Variants in RALGAPA1 observed in about 807,000 individuals in gnomAD.
The protein encoded by RALGAPA1 is ral GTPase-activating protein subunit alpha-1.
RALGAPA1 carries 52 observed loss-of-function variants against 269.6 expected under a neutral mutation model. The observed-to-expected ratio is 0.19, with a 90% CI of 0.15 to 0.24. RALGAPA1 has a LOEUF of 0.24. RALGAPA1 is among the 10% of genes least tolerant of loss of function. The pLI is 1.00. For synonymous variants in RALGAPA1, 817 were observed against 1,008.3 expected, an observed-to-expected ratio of 0.81 and a Z score of 3.60; for missense variants, 1,917 against 3,013.9, an observed-to-expected ratio of 0.64 and a Z score of 8.52.
chr14:35,785,710 T>C (rs912169084), intron 1 of RALGAPA1, among the ~76,000 whole-genome samples: 2 of 152,172 alleles, frequency 1.3e-5, no homozygotes, highest in African/African-American at 4.8e-5. Context: ...ACACCCCATT[T>C]CATAAGACAA....
intron 16 of RALGAPA1, among the ~76,000 whole-genome samples, chr14:35,708,060 T>C (rs2067962212): frequency 1.3e-5 from 2 of 152,094 alleles, no homozygotes; most frequent in Admixed American, 6.5e-5. Context: ...TGGATACCCA[T>C]ATGCAGAAGA....
chr14:35,717,109 C>T (rs879670456), intron 16 of RALGAPA1, among the ~76,000 whole-genome samples: 1 of 152,204 alleles, frequency 6.6e-6, no homozygotes, highest in Non-Finnish European at 1.5e-5. Context: ...TATAGATATA[C>T]TTGCATATAT....
intron 16 of RALGAPA1, among the ~76,000 whole-genome samples, chr14:35,702,526 C>T (rs537693124): frequency 2.0e-5 from 3 of 152,158 alleles, no homozygotes; most frequent in Admixed American, 1.3e-4. Context: ...CCAGTTTTCC[C>T]GCTAGCTTCT....
intron 39 of RALGAPA1, 50 bp from the exon 40 acceptor site, chr14:35,549,284 A>T: frequency 6.4e-7 from 1 of 1,572,422 alleles, no homozygotes; most frequent in Non-Finnish European, 8.6e-7. Context: ...ATACTGGAAA[A>T]AAAATCTTAT....
chr14:35,741,762 G>A (rs1281352285), intron 11 of RALGAPA1, among the ~76,000 whole-genome samples: 2 of 152,182 alleles, frequency 1.3e-5, no homozygotes, highest in Non-Finnish European at 2.9e-5. Flanking sequence ...GACAAAGGTT[G>A]AACAATCAAA....
chr14:35,769,035 AATATATATAT>A (rs200538547), intron 4 of RALGAPA1, among the ~76,000 whole-genome samples: 646 of 58,280 alleles, frequency 0.011, 11 homozygotes, highest in East Asian at 0.019. Flanking sequence ...AAAAAAAAAA[AATATATATAT>A]ATATATATAT....
intron 41 of RALGAPA1, among the ~76,000 whole-genome samples, chr14:35,544,245 A>C (rs1377526061): frequency 6.6e-6 from 1 of 152,190 alleles, no homozygotes; most frequent in Non-Finnish European, 1.5e-5. Context: ...GGAAAGTAAA[A>C]CCCTTAAAAT....
intron 31 of RALGAPA1, among the ~76,000 whole-genome samples, chr14:35,651,337 A>G (rs2062816149): frequency 6.6e-6 from 1 of 152,198 alleles, no homozygotes; most frequent in South Asian, 2.1e-4. Context: ...TGAAAAAATT[A>G]AAGAACCCTC....
chr14:35,579,883 G>GA (rs1365331306), intron 37 of RALGAPA1, among the ~76,000 whole-genome samples: 3 of 151,854 alleles, frequency 2.0e-5, no homozygotes, highest in African/African-American at 7.3e-5. Flanking sequence ...CTAAAATAAT[G>GA]AAAAAATTTA....
At chr14:35,779,733 C>T (rs939514127) in intron 1 of RALGAPA1, among the ~76,000 whole-genome samples, 19 of 151,982 alleles carry the variant, frequency 1.3e-4, no homozygotes, top group African/African-American at 3.9e-4. Flanking sequence ...CAAGATTTTG[C>T]GACATATTAG....
intron 39 of RALGAPA1, among the ~76,000 whole-genome samples, chr14:35,566,446 T>C (rs1378694923): frequency 2.0e-5 from 3 of 152,172 alleles, no homozygotes; most frequent in Non-Finnish European, 4.4e-5. Context: ...GTACTTTTAT[T>C]GGGCATAAAA....
intron 11 of RALGAPA1, 31 bp from the exon 12 acceptor site, chr14:35,738,681 C>T (rs771496212): frequency 1.9e-6 from 3 of 1,572,566 alleles, no homozygotes; most frequent in South Asian, 2.3e-5. Context: ...TTTAATATTT[C>T]ATTACTAAGA....
intron 16 of RALGAPA1, chr14:35,715,739 C>G: frequency 1.0e-6 from 1 of 985,298 alleles, no homozygotes; most frequent in Non-Finnish European, 1.2e-6. Flanking sequence ...TCAAGATAAC[C>G]AATTTAACAT....
chr14:35,658,677 A>G (rs1345044162), intron 28 of RALGAPA1, among the ~76,000 whole-genome samples: 1 of 150,912 alleles, frequency 6.6e-6, no homozygotes, highest in Non-Finnish European at 1.5e-5. Flanking sequence ...ACTATGACAT[A>G]TTCTATTTTT....
chr14:35,540,989 C>T (rs1435668560), intron 41 of RALGAPA1, among the ~76,000 whole-genome samples: 1 of 150,398 alleles, frequency 6.6e-6, no homozygotes, highest in Admixed American at 6.6e-5. Flanking sequence ...GGGTGAAGAT[C>T]CTATTGAGAT....
intron 41 of RALGAPA1, 80 bp from the exon 42 acceptor site, chr14:35,539,770 CA>C: frequency 6.4e-7 from 1 of 1,552,222 alleles, no homozygotes; most frequent in Non-Finnish European, 8.7e-7. Flanking sequence ...TACTAATCTG[CA>C]GCAAGGATCC....
intron 12 of RALGAPA1, among the ~76,000 whole-genome samples, chr14:35,733,525 C>G (rs146614244): frequency 6.6e-6 from 1 of 151,818 alleles, no homozygotes; most frequent in Non-Finnish European, 1.5e-5. Context: ...CCAAACTGAA[C>G]GACAATAATG....
intron 16 of RALGAPA1, among the ~76,000 whole-genome samples, chr14:35,708,942 G>C (rs947127263): frequency 5.3e-5 from 8 of 152,096 alleles, no homozygotes; most frequent in African/African-American, 1.7e-4. Context: ...CCTGACATGA[G>C]GTCATTATGT....
chr14:35,749,073 T>C (rs1344014595), intron 9 of RALGAPA1, among the ~76,000 whole-genome samples: 4 of 152,190 alleles, frequency 2.6e-5, no homozygotes, highest in Non-Finnish European at 5.9e-5. Flanking sequence ...TACCCACCTA[T>C]AGTTATATAT....
Sources: allele counts gnomAD v4.1 joint callset (sites outside exome capture counted in the v4.1 genomes callset), GRCh38; gene constraint gnomAD v4.1.1; transcripts MANE v1.5; gene names NCBI Gene and HGNC (gene_info 2026-07-23, HGNC 2026-07-21).